DAB1: variants seen among roughly 807,000 people sequenced by gnomAD.
DAB1 encodes DAB adaptor protein 1.
Under a neutral mutation model 64.6 loss-of-function variants are expected in DAB1, and 15 were observed. The observed-to-expected ratio is 0.23, with a 90% CI of 0.16 to 0.36. The LOEUF (loss-of-function observed/expected upper bound fraction) is 0.36, where lower values mean the gene tolerates loss of function less well. Ranked by LOEUF, DAB1 falls within the 10% of genes least tolerant of loss-of-function variation. The pLI is 1.00. For synonymous variants in DAB1, 235 were observed against 251.9 expected, an observed-to-expected ratio of 0.93 and a Z score of 0.64; for missense variants, 596 against 706.7, an observed-to-expected ratio of 0.84 and a Z score of 1.78.
At chr1:58,516,255 A>T (rs1166415122) in intron 2 of DAB1, among the ~76,000 whole-genome samples, 1 of 152,226 alleles carries the variant, frequency 6.6e-6, no homozygotes, top group Non-Finnish European at 1.5e-5. Flanking sequence ...AAAGAATATC[A>T]GTTTTCTTTT....
intron 7 of DAB1, among the ~76,000 whole-genome samples, chr1:57,460,165 C>T (rs1314867849): frequency 6.6e-6 from 1 of 152,194 alleles, no homozygotes; most frequent in Non-Finnish European, 1.5e-5. Flanking sequence ...AAAAGATGTT[C>T]CTTCCTCCAG....
intron 4 of DAB1, among the ~76,000 whole-genome samples, chr1:58,184,219 T>A (rs1386807781): frequency 6.6e-6 from 1 of 151,442 alleles, no homozygotes; most frequent in Admixed American, 6.6e-5. Context: ...CCTACAGATA[T>A]AAATCACATT....
At chr1:58,139,460 G>A (rs187889758) in intron 5 of DAB1, among the ~76,000 whole-genome samples, 1 of 152,294 alleles carries the variant, frequency 6.6e-6, no homozygotes, top group African/African-American at 2.4e-5. Context: ...GCATTAGCAA[G>A]GAGAAGTGCC....
At chr1:58,438,661 G>C (rs1198385903) in intron 3 of DAB1, among the ~76,000 whole-genome samples, 1 of 152,226 alleles carries the variant, frequency 6.6e-6, no homozygotes, top group African/African-American at 2.4e-5. Context: ...CACGTGTACA[G>C]AGAGCCAGCA....
chr1:57,771,068 G>A (rs1484616062), intron 6 of DAB1, among the ~76,000 whole-genome samples: 1 of 152,160 alleles, frequency 6.6e-6, no homozygotes, highest in African/African-American at 2.4e-5. Context: ...CAAGACGTAA[G>A]CTCCACGAGG....
intron 5 of DAB1, among the ~76,000 whole-genome samples, chr1:58,124,643 CAT>C (rs2100679308): frequency 6.6e-6 from 1 of 152,296 alleles, no homozygotes; most frequent in South Asian, 2.1e-4. Context: ...AGAGTCTCCT[CAT>C]ATTTTATACA....
chr1:57,844,892 G>A (rs969143034), intron 1 of DAB1, among the ~76,000 whole-genome samples: 12 of 151,750 alleles, frequency 7.9e-5, no homozygotes, highest in South Asian at 2.1e-4. Context: ...CTCCACCCCC[G>A]CCAGCTCCTT....
Position 58,157,808 on chromosome 1 carries a change from A to G in DAB1, n.310-7220T>C, listed in dbSNP as rs1055435351. 3.3e-5 allele frequency among the ~76,000 whole-genome samples: 5 copies of G among 152,170 alleles called. No homozygotes were observed. In the East Asian group the frequency reaches 9.6e-4, roughly 29 times the overall value. On this transcript the variant is annotated intron_variant and non_coding_transcript_variant, in intron 4 of 20. Coordinates refer to the DAB1 transcript ENST00000485760. ...TTCATTGCAACTATTCTCTACCCAA[A>G]TAATTTTTATACTGCTAATGAACAA...
chr1:57,101,727 G>A (rs1479189659), intron 4 of DAB1, among the ~76,000 whole-genome samples: 2 of 152,144 alleles, frequency 1.3e-5, no homozygotes, highest in East Asian at 1.9e-4. Flanking sequence ...CTAGGCACTG[G>A]GGGTACAGGA....
intron 4 of DAB1, among the ~76,000 whole-genome samples, chr1:58,310,824 C>T (rs1013090781): frequency 2.6e-5 from 4 of 152,098 alleles, no homozygotes; most frequent in Non-Finnish European, 5.9e-5. Context: ...ATTCCATGAC[C>T]CCTTGCTGAG....
In DAB1 at chr1:57,075,175, G is replaced by A. The variant is rs144556726; in HGVS notation, c.307-2761C>T. ...GAACATTGCTCTAAAATTAAGCTGC[G>A]ATTAGAAGTCTTCCTGGTGGAATTA... On this transcript the variant is annotated intron_variant, in intron 4 of 14. Transcript: ENST00000371236. Among the ~76,000 whole-genome samples the A allele has an allele frequency of 9.2e-5, 14 of 152,268 alleles. No homozygotes were observed. The East Asian group carries it at 2.7e-3, about 29-fold the overall frequency.
At chr1:57,586,085 C>T (rs1219125995) in intron 7 of DAB1, among the ~76,000 whole-genome samples, 5 of 152,044 alleles carry the variant, frequency 3.3e-5, no homozygotes, top group Non-Finnish European at 7.4e-5. Flanking sequence ...AAGACAGGCC[C>T]TCACATTTGG....
intron 9 of DAB1, among the ~76,000 whole-genome samples, chr1:57,038,645 G>A (rs1281742879): frequency 1.3e-5 from 2 of 152,172 alleles, no homozygotes; most frequent in African/African-American, 4.8e-5. Context: ...CCCAAAGGTT[G>A]TACAGAAGGT....
intron 4 of DAB1, among the ~76,000 whole-genome samples, chr1:58,242,191 A>G (rs892780755): frequency 2.6e-5 from 4 of 152,130 alleles, no homozygotes; most frequent in African/African-American, 9.6e-5. Flanking sequence ...GACAGGGAGA[A>G]TAGTTTTCCA....
chr1:57,238,841 G>GCACACA (rs373675306), intron 2 of DAB1, among the ~76,000 whole-genome samples: 56 of 138,380 alleles, frequency 4.0e-4, no homozygotes, highest in Middle Eastern at 3.6e-3. Context: ...GTGCACATGC[G>GCACACA]CACACACACA....
chr1:58,400,872 T>C (rs1052697861), intron 3 of DAB1, among the ~76,000 whole-genome samples: 6 of 152,166 alleles, frequency 3.9e-5, no homozygotes, highest in African/African-American at 1.4e-4. Context: ...TAAAAATTAA[T>C]ATAGAAAATT....
intron 4 of DAB1, among the ~76,000 whole-genome samples, chr1:58,303,967 G>C (rs1230739142): frequency 6.6e-6 from 1 of 152,100 alleles, no homozygotes; most frequent in Non-Finnish European, 1.5e-5. Context: ...GGGATGAACA[G>C]TTGCTTTGAA....
intron 3 of DAB1, among the ~76,000 whole-genome samples, chr1:57,140,483 G>C (rs1045689200): frequency 3.9e-5 from 6 of 152,112 alleles, no homozygotes; most frequent in African/African-American, 1.4e-4. Flanking sequence ...TCTTCTTTAA[G>C]AGCCCCTTTT....
intron 4 of DAB1, among the ~76,000 whole-genome samples, chr1:58,203,368 A>G (rs764867483): frequency 4.6e-5 from 7 of 152,222 alleles, no homozygotes; most frequent in Non-Finnish European, 8.8e-5. Context: ...AGACATAGAC[A>G]ACACCCTCAT....
Sources: gnomAD v4.1 joint callset for allele counts (sites outside exome capture counted in the v4.1 genomes callset) on GRCh38, gnomAD v4.1.1 for gene constraint, MANE v1.5 for transcripts, NCBI Gene and HGNC (gene_info 2026-07-23, HGNC 2026-07-21) for gene names.